The following GRIP1 variants were observed in gnomAD, a reference collection of about 807,000 sequenced individuals.
The protein encoded by GRIP1 is glutamate receptor-interacting protein 1.
In GRIP1, 45 loss-of-function variants were observed where a neutral mutation model predicts 129.9. That is an observed-to-expected ratio of 0.35 (90% CI 0.27 to 0.44). The LOEUF is 0.44. GRIP1 is among the 20% of genes least tolerant of loss of function. GRIP1 has a pLI of 1.00. For missense variants in GRIP1, 1,196 were observed against 1,396.8 expected (o/e 0.86, Z 2.29); for synonymous variants, 530 against 520.8 (o/e 1.02, Z -0.24).
At chr12:66,558,530 A>G (rs1004532521) in intron 2 of GRIP1, among the ~76,000 whole-genome samples, 14 of 152,178 alleles carry the variant, frequency 9.2e-5, no homozygotes, top group African/African-American at 3.4e-4. Flanking sequence ...GAGGACCATT[A>G]GAGATTACTA....
At chr12:67,006,489 GA>G (rs2042628520) in intron 1 of GRIP1, among the ~76,000 whole-genome samples, 7 of 152,080 alleles carry the variant, frequency 4.6e-5, no homozygotes, top group Admixed American at 4.6e-4. Context: ...GGGAGGGGCT[GA>G]AGTGAGAGAT....
At chr12:66,481,896 A>T (rs1293261849) in intron 7 of GRIP1, among the ~76,000 whole-genome samples, 1 of 151,940 alleles carries the variant, frequency 6.6e-6, no homozygotes, top group East Asian at 1.9e-4. Context: ...GGAATTGAAC[A>T]ATGAGAACAC....
chr12:66,389,151 T>C (rs984685128), intron 19 of GRIP1, among the ~76,000 whole-genome samples: 2 of 152,078 alleles, frequency 1.3e-5, no homozygotes, highest in African/African-American at 4.8e-5. Flanking sequence ...GAGGGACAGG[T>C]TGGAGAGATA....
chr12:66,488,663 C>CA (rs1452322543), intron 7 of GRIP1, among the ~76,000 whole-genome samples: 1 of 151,558 alleles, frequency 6.6e-6, no homozygotes, highest in African/African-American at 2.4e-5. Flanking sequence ...AAAATCCCTT[C>CA]AAAAAATCAA....
intron 1 of GRIP1, among the ~76,000 whole-genome samples, chr12:66,855,173 G>A (rs1384308792): frequency 1.3e-5 from 2 of 151,926 alleles, no homozygotes; most frequent in Non-Finnish European, 2.9e-5. Flanking sequence ...GGCTTTATCA[G>A]CTGCTATTGT....
chr12:66,466,513 A>C (rs929341616), intron 7 of GRIP1, among the ~76,000 whole-genome samples: 7 of 152,172 alleles, frequency 4.6e-5, no homozygotes, highest in Non-Finnish European at 1.0e-4. Context: ...TTCAATTCTC[A>C]TTTTCACAAT....
intron 14 of GRIP1, among the ~76,000 whole-genome samples, chr12:66,429,635 G>A (rs887516155): frequency 2.6e-5 from 4 of 152,092 alleles, no homozygotes; most frequent in Non-Finnish European, 5.9e-5. Context: ...GGTTGAGGCC[G>A]CAGTGAGCCC....
intron 9 of GRIP1, 142 bp downstream of exon 9, chr12:66,462,782 A>C: frequency 1.6e-6 from 1 of 607,138 alleles, no homozygotes. Flanking sequence ...AGTCTGGGGG[A>C]CAGAGTGAGA....
chr12:66,592,050 GTAA>G (rs572588811), intron 2 of GRIP1, among the ~76,000 whole-genome samples: 151 of 152,192 alleles, frequency 9.9e-4, no homozygotes, highest in African/African-American at 3.4e-3. Flanking sequence ...TATATCTTCT[GTAA>G]TAATAAAAAA....
chr12:67,028,059 G>T (rs892848278), intron 1 of GRIP1, among the ~76,000 whole-genome samples: 1 of 152,258 alleles, frequency 6.6e-6, no homozygotes, highest in Admixed American at 6.5e-5. Context: ...CAAACACTGT[G>T]TCTCTCTGGT....
At chr12:67,004,559 A>G (rs529306702) in intron 1 of GRIP1, among the ~76,000 whole-genome samples, 9 of 152,258 alleles carry the variant, frequency 5.9e-5, no homozygotes, top group African/African-American at 2.2e-4. Flanking sequence ...AAGCCTGGCC[A>G]TGGAAAGGAG....
intron 1 of GRIP1, among the ~76,000 whole-genome samples, chr12:66,822,889 C>T (rs1386947547): frequency 6.6e-6 from 1 of 152,122 alleles, no homozygotes; most frequent in Non-Finnish European, 1.5e-5. Context: ...ATCCTCATAC[C>T]TGGCTGATGA....
intron 1 of GRIP1, among the ~76,000 whole-genome samples, chr12:66,823,151 G>A (rs2039350137): frequency 6.7e-6 from 1 of 149,798 alleles, no homozygotes; most frequent in South Asian, 2.1e-4. Context: ...ATAAAATGAG[G>A]GGATTGCACA....
chr12:66,960,697 A>T (rs1412857129), intron 1 of GRIP1, among the ~76,000 whole-genome samples: 4 of 152,114 alleles, frequency 2.6e-5, no homozygotes, highest in African/African-American at 9.7e-5. Context: ...GTCTTCAGAC[A>T]TTTTTAGTTG....
chr12:66,934,467 T>A (rs1471583236), intron 1 of GRIP1, among the ~76,000 whole-genome samples: 1 of 152,190 alleles, frequency 6.6e-6, no homozygotes, highest in Non-Finnish European at 1.5e-5. Flanking sequence ...AGTAATCATT[T>A]AGCTGCAGAT....
intron 1 of GRIP1, among the ~76,000 whole-genome samples, chr12:66,750,427 A>G (rs2037088089): frequency 6.6e-6 from 1 of 152,104 alleles, no homozygotes; most frequent in African/African-American, 2.4e-5. Context: ...AGTGCTTGGT[A>G]CCTGAGAGCC....
At chr12:66,742,907 T>C (rs920000482) in intron 1 of GRIP1, among the ~76,000 whole-genome samples, 1 of 152,104 alleles carries the variant, frequency 6.6e-6, no homozygotes, top group Non-Finnish European at 1.5e-5. Context: ...AATGTAAGAA[T>C]TAAATTCTTA....
chr12:66,475,041 A>C (rs926890210), intron 7 of GRIP1, among the ~76,000 whole-genome samples: 3 of 152,220 alleles, frequency 2.0e-5, no homozygotes, highest in East Asian at 1.9e-4. Context: ...GGCAAATTGG[A>C]TAAAGAGTCA....
intron 1 of GRIP1, among the ~76,000 whole-genome samples, chr12:66,818,563 TAA>T (rs1287608424): frequency 6.6e-6 from 1 of 152,212 alleles, no homozygotes; most frequent in African/African-American, 2.4e-5. Context: ...AACATTTCAT[TAA>T]GTGTTTTTTT....
Sources: allele counts gnomAD v4.1 joint callset (sites outside exome capture counted in the v4.1 genomes callset), GRCh38; gene constraint gnomAD v4.1.1; transcripts MANE v1.5; gene names NCBI Gene and HGNC (gene_info 2026-07-23, HGNC 2026-07-21).